Variants in CDO1 observed in about 807,000 individuals in gnomAD.
CDO1 encodes the protein cysteine dioxygenase type 1.
In CDO1, 19 loss-of-function variants were observed where a neutral mutation model predicts 24.5. The observed-to-expected ratio is 0.77, with a 90% CI of 0.54 to 1.14. The LOEUF is 1.14. Ranked by LOEUF, CDO1 falls within the 50% of genes most tolerant of loss-of-function variation. CDO1 has a pLI of 0.00. For missense variants in CDO1, 244 were observed against 244.8 expected (o/e 1.00, Z 0.02); for synonymous variants, 91 against 87.0 (o/e 1.05, Z -0.26).
At position 115,813,277 on chromosome 5, in the gene CDO1, T is replaced by A. The variant is rs765725537; in HGVS notation, c.171-19A>T. The A allele has an allele frequency of 7.3e-7, 1 of 1,375,692 alleles. No homozygotes were observed. Among genetic ancestry groups the A allele is most frequent in the Non-Finnish European group, 1.0e-6 (1 of 966,152 alleles). The allele number at this position is 1,375,692 out of a possible 1,614,324, so 85.2% of individuals were successfully genotyped here. A position where few individuals can be genotyped will look rare whatever the true frequency, so the allele number is the denominator to read the frequency against. ...GGTATACCTAAAAAAAAACAATATA[T>A]TCAGAAGTTTTAAGTTCGTTGCTGA... On this transcript the variant is annotated intron_variant, in intron 1 of 4. Coordinates refer to ENST00000250535, the MANE Select transcript of CDO1 (RefSeq NM_001801.3).
intron 3 of CDO1, chr5:115,809,491 CT>C (rs1760094219): frequency 6.6e-6 from 1 of 152,204 alleles, no homozygotes; most frequent in Non-Finnish European, 1.5e-5. Flanking sequence ...AAAGTCCTTA[CT>C]TTTAGCTGGT....
chr5:115,813,820 GAAGTA>G (rs1760307826), intron 1 of CDO1: 2 of 152,898 alleles, frequency 1.3e-5, no homozygotes, highest in Admixed American at 1.3e-4. Flanking sequence ...CTACATTAGT[GAAGTA>G]AAGAACCCTC....
Position 115,806,398 on chromosome 5 carries a change from T to C in CDO1, c.524A>G (p.Asn175Ser), listed in dbSNP as rs143396814. The C allele has an allele frequency of 5.5e-5, 89 of 1,609,156 alleles. No individual in the cohort carries two copies. The highest frequency in any genetic ancestry group is 1.7e-4 in the Middle Eastern group (1 of 6,052). Residue 175 changes from asparagine (N) to serine (S), a missense_variant, in exon 4 of 5, where the codon AAC (asparagine) becomes AGC (serine). By Grantham distance (46) the Asn-to-Ser change is conservative. Coordinates refer to ENST00000250535, the MANE Select transcript of CDO1 (RefSeq NM_001801.3). ...HAFDQRTGHK[N>S]KVTMTFHSKF... Reference sequence around the variant, plus strand: ...ACTATGGAATGTCATTGTGACTTTGTTTTTATGTCCTGTTCTTTGATCAAA... The same window carrying C: ...ACTATGGAATGTCATTGTGACTTTGCTTTTATGTCCTGTTCTTTGATCAAA...
intron 2 of CDO1, 151 bp from the exon 3 acceptor site, chr5:115,811,466 A>C: frequency 1.7e-6 from 1 of 575,380 alleles, no homozygotes; most frequent in Non-Finnish European, 3.0e-6. Context: ...AAATGTTATC[A>C]ACTTACAGTT....
intron 1 of CDO1, 42 bp from the exon 2 acceptor site, chr5:115,813,300 T>A: frequency 9.1e-7 from 1 of 1,096,168 alleles, no homozygotes; most frequent in Non-Finnish European, 1.4e-6. Flanking sequence ...AGTTCGTTGC[T>A]GAAACAAGCA....
At chr5:115,808,634 C>T (rs933117360) in intron 3 of CDO1, among the ~76,000 whole-genome samples, 1 of 151,986 alleles carries the variant, frequency 6.6e-6, no homozygotes, top group Non-Finnish European at 1.5e-5. Flanking sequence ...CACAGCTCAC[C>T]CCTGGCCTAG....
At chr5:115,814,080 C>A (rs536353803) in intron 1 of CDO1, 1 of 152,088 alleles carries the variant, frequency 6.6e-6, no homozygotes, top group East Asian at 1.9e-4. Context: ...GAAAAGGGGT[C>A]TTTACTCCAT....
chr5:115,806,619 C>G, intron 3 of CDO1, 101 bp from the exon 4 acceptor site: 1 of 807,238 alleles, frequency 1.2e-6, no homozygotes, highest in Non-Finnish European at 2.0e-6. Flanking sequence ...AATTGTGATG[C>G]AAATGGAATA....
At chr5:115,806,029 G>T (rs1281466775) in intron 4 of CDO1, among the ~76,000 whole-genome samples, 6 of 152,130 alleles carry the variant, frequency 3.9e-5, no homozygotes, top group African/African-American at 1.4e-4. Flanking sequence ...ATCCCTGTTG[G>T]CCCAGCAAAT....
At chr5:115,816,159 C>G (rs1760431944) in intron 1 of CDO1, 69 bp downstream of exon 1, 1 of 1,503,322 alleles carries the variant, frequency 6.7e-7, no homozygotes, top group South Asian at 1.2e-5. Flanking sequence ...GGGCTGCGTC[C>G]CCCACGTCCA....
At chr5:115,808,708 A>AAC (rs149765333) in intron 3 of CDO1, among the ~76,000 whole-genome samples, 4 of 151,162 alleles carry the variant, frequency 2.6e-5, no homozygotes, top group South Asian at 2.1e-4. Flanking sequence ...AAGAAGATTA[A>AAC]ACACACACAC....
At chr5:115,810,057 C>T (rs1186479222) in intron 3 of CDO1, among the ~76,000 whole-genome samples, 5 of 152,164 alleles carry the variant, frequency 3.3e-5, no homozygotes, top group African/African-American at 1.2e-4. Flanking sequence ...CACTCTGACT[C>T]CAGCTGAAAG....
At position 115,811,040 on chromosome 5, in the gene CDO1, A is replaced by T. The variant is rs886168467; in HGVS notation, c.403+121T>A. 11 of 955,962 alleles carry T rather than the reference A, an allele frequency of 1.2e-5. No individual in the cohort carries two copies. The African/African-American group carries it at 1.8e-4, about 16-fold the overall frequency. The allele number at this position is 955,962 out of a possible 1,614,324, so 59.2% of individuals were successfully genotyped here. A position where few individuals can be genotyped will look rare whatever the true frequency, so the allele number is the denominator to read the frequency against. On this transcript the variant is annotated intron_variant, in intron 3 of 4. Coordinates refer to ENST00000250535, the MANE Select transcript of CDO1 (RefSeq NM_001801.3). ...CCTGCTATGTTTAAGTCATTTCCCA[A>T]GTATTTTAAATCATGACTCATGATC...
Position 115,805,161 on chromosome 5 carries a change from T to A in CDO1, c.*272A>T, listed in dbSNP as rs539144893. 15 of 371,090 alleles carry A rather than the reference T, an allele frequency of 4.0e-5. No homozygotes were observed. In the South Asian group the frequency reaches 1.1e-3, roughly 28 times the overall value. The allele number at this position is 371,090 out of a possible 1,614,324, so 23.0% of individuals were successfully genotyped here. On this transcript the variant is annotated 3_prime_UTR_variant, in exon 5 of 5. Coordinates refer to ENST00000250535, the MANE Select transcript of CDO1 (RefSeq NM_001801.3). Reference sequence around the variant, plus strand: ...CCTCACTGACGCTCCTAGTATGGATTTAATGGAATTAGAGGATAGAACTAT... The same window carrying A: ...CCTCACTGACGCTCCTAGTATGGATATAATGGAATTAGAGGATAGAACTAT...
rs150230708 is a variant in CDO1 at position 115,816,384 on chromosome 5, T to G, written c.14A>C (p.Glu5Ala). The change falls in exon 1 of 5, where the codon GAA becomes GCA. Residue 5 changes from glutamate (E) to alanine (A), a missense_variant. Transcript: ENST00000250535. MEQT[E>A]VLKPRTLADL... is the part of the protein sequence containing the mutation. ...AGCCAGGGTCCGTGGCTTCAGCACT[T>G]CGGTCTGTTCCATCTCGTGGGGAGC... 7.4e-6 allele frequency: 12 copies of G among 1,613,164 alleles called. No individual in the cohort carries two copies. The highest frequency in any genetic ancestry group is 1.0e-5 in the Non-Finnish European group (12 of 1,179,980).
At chr5:115,811,879 T>C (rs560455969) in intron 2 of CDO1, among the ~76,000 whole-genome samples, 1 of 152,288 alleles carries the variant, frequency 6.6e-6, no homozygotes, top group East Asian at 1.9e-4. Context: ...GTTAACATTG[T>C]GTCAATTTAC....
intron 3 of CDO1, among the ~76,000 whole-genome samples, chr5:115,810,628 C>T (rs945375516): frequency 6.6e-6 from 1 of 152,144 alleles, no homozygotes; most frequent in African/African-American, 2.4e-5. Context: ...TAATCACTGC[C>T]TCTCTTGAAA....
At chr5:115,812,715 T>C (rs1328152172) in intron 2 of CDO1, among the ~76,000 whole-genome samples, 3 of 152,168 alleles carry the variant, frequency 2.0e-5, no homozygotes, top group African/African-American at 7.2e-5. Context: ...ATTCCATTGA[T>C]AATTTTTGTT....
chr5:115,815,350 G>A (rs1042637109), intron 1 of CDO1, among the ~76,000 whole-genome samples: 5 of 152,032 alleles, frequency 3.3e-5, no homozygotes, highest in African/African-American at 7.3e-5. Flanking sequence ...TCACCAAGCC[G>A]GGGCTGCAAA....
Sources: allele counts gnomAD v4.1 joint callset (sites outside exome capture counted in the v4.1 genomes callset), GRCh38; gene constraint gnomAD v4.1.1; transcripts MANE v1.5; gene names NCBI Gene and HGNC (gene_info 2026-07-23, HGNC 2026-07-21).